NBEA: variants seen among roughly 807,000 people sequenced by gnomAD.
NBEA encodes lysosomal-trafficking regulator 2.
NBEA carries 44 observed loss-of-function variants against 343.4 expected under a neutral mutation model. The observed-to-expected ratio is 0.13, with a 90% CI of 0.10 to 0.16. The LOEUF is 0.16. NBEA is among the 10% of genes least tolerant of loss of function. NBEA has a pLI of 1.00. For synonymous variants in NBEA, 1,175 were observed against 1,238.7 expected (o/e 0.95, Z 1.08); for missense variants, 2,555 against 3,631.3 (o/e 0.70, Z 7.62).
At chr13:35,449,123 A>G (rs892574895) in intron 39 of NBEA, among the ~76,000 whole-genome samples, 2 of 152,222 alleles carry the variant, frequency 1.3e-5, no homozygotes, top group Non-Finnish European at 2.9e-5. Flanking sequence ...AAAACACAGA[A>G]CTGGTAATGA....
At chr13:35,501,562 G>A (rs2076889146) in intron 41 of NBEA, among the ~76,000 whole-genome samples, 1 of 152,146 alleles carries the variant, frequency 6.6e-6, no homozygotes, top group Admixed American at 6.6e-5. Context: ...CTGGTAAATA[G>A]TAATCAGGCT....
intron 38 of NBEA, among the ~76,000 whole-genome samples, chr13:35,365,903 T>TA (rs2041080364): frequency 6.6e-6 from 1 of 151,590 alleles, no homozygotes; most frequent in Non-Finnish European, 1.5e-5. Flanking sequence ...ATTGTATGCA[T>TA]TAGATTGTGG....
intron 38 of NBEA, among the ~76,000 whole-genome samples, chr13:35,403,234 T>C (rs2043080356): frequency 6.6e-6 from 1 of 151,964 alleles, no homozygotes; most frequent in Non-Finnish European, 1.5e-5. Flanking sequence ...TTCTTTGAAA[T>C]AGTTATTAAT....
At position 35,050,399 on chromosome 13, in the gene NBEA, G is replaced by A. The variant is rs2063022763; in HGVS notation, c.972+4G>A. 3 of 1,605,584 alleles carry A rather than the reference G, an allele frequency of 1.9e-6. No individual in the cohort carries two copies. In the East Asian group the frequency reaches 6.7e-5, roughly 36 times the overall value. ...ATATGATTTTCAACCACGCAAGGTA[G>A]GTAAAAGTAAATATTTTTATAACTC... On this transcript the variant is annotated splice_donor_region_variant and intron_variant, in intron 6 of 58. Coordinates refer to ENST00000379939, the MANE Select transcript of NBEA (RefSeq NM_001385012.1).
Position 35,671,402 on chromosome 13 carries a change from A to AC in NBEA, c.*411_*412insC, listed in dbSNP as rs1361669942. 115 of 157,170 alleles carry AC rather than the reference A, an allele frequency of 7.3e-4. No individual in the cohort carries two copies. The highest frequency in any genetic ancestry group is 2.5e-3 in the African/African-American group (106 of 41,690). The allele number at this position is 157,170 out of a possible 1,614,324, so 9.7% of individuals were successfully genotyped here. A position where few individuals can be genotyped will look rare whatever the true frequency, so the allele number is the denominator to read the frequency against. Reference sequence around the variant, plus strand: ...TTTTCAAGCTGAGAAAAAAAAAAAAAAACACGTTTGATACTTTGTACATCA... The same window carrying AC: ...TTTTCAAGCTGAGAAAAAAAAAAAAACAACACGTTTGATACTTTGTACATCA... On this transcript the variant is annotated 3_prime_UTR_variant, in exon 59 of 59. Coordinates refer to ENST00000379939, the MANE Select transcript of NBEA (RefSeq NM_001385012.1).
intron 45 of NBEA, among the ~76,000 whole-genome samples, chr13:35,581,905 G>GAAA (rs66496898): frequency 1.6e-5 from 2 of 121,378 alleles, no homozygotes; most frequent in African/African-American, 6.7e-5. Context: ...AAAAAGAAAA[G>GAAA]AAAAAAAAAG....
At chr13:35,360,675 C>CA (rs1398364899) in intron 38 of NBEA, among the ~76,000 whole-genome samples, 11 of 151,684 alleles carry the variant, frequency 7.3e-5, no homozygotes, top group Non-Finnish European at 4.4e-5. Flanking sequence ...TATAAAAAAA[C>CA]AAAAAATGAA....
At chr13:35,163,700 A>G (rs2069758968) in intron 23 of NBEA, among the ~76,000 whole-genome samples, 1 of 151,500 alleles carries the variant, frequency 6.6e-6, no homozygotes, top group Non-Finnish European at 1.5e-5. Flanking sequence ...TATGTTTTGT[A>G]TGAGAACACT....
chr13:35,405,485 G>A (rs538512022), intron 38 of NBEA, among the ~76,000 whole-genome samples: 17 of 152,246 alleles, frequency 1.1e-4, no homozygotes, highest in South Asian at 8.3e-4. Flanking sequence ...TTTTGTGAAT[G>A]AAAGAACTGA....
intron 10 of NBEA, among the ~76,000 whole-genome samples, chr13:35,088,011 T>C (rs1393222288): frequency 6.6e-6 from 1 of 151,896 alleles, no homozygotes; most frequent in African/African-American, 2.4e-5. Flanking sequence ...GAAGACTTTA[T>C]ATTTTCCAGG....
At chr13:35,015,150 A>AC (rs2061612212) in intron 1 of NBEA, among the ~76,000 whole-genome samples, 1 of 149,382 alleles carries the variant, frequency 6.7e-6, no homozygotes, top group South Asian at 2.1e-4. Flanking sequence ...CAAACAAAAA[A>AC]AAAAAACCAC....
intron 1 of NBEA, among the ~76,000 whole-genome samples, chr13:35,026,808 A>G (rs2062034411): frequency 6.6e-6 from 1 of 152,134 alleles, no homozygotes; most frequent in Non-Finnish European, 1.5e-5. Context: ...TATATCTGCT[A>G]CTTTGGTGGT....
chr13:35,139,161 A>ATTGACTCTCC lies in NBEA; in HGVS notation c.2337-3107_2337-3098dup, dbSNP rs1156598383. On this transcript the variant is annotated intron_variant, in intron 17 of 58. Coordinates refer to ENST00000379939, the MANE Select transcript of NBEA (RefSeq NM_001385012.1). ...CTGCAACCTCCGCCTCCCATGCTCA[A>ATTGACTCTCC]TTGACTCTCCCACCTCAGCCTCCCA... is the stretch of plus-strand genomic sequence containing the variant. Among the ~76,000 whole-genome samples the ATTGACTCTCC allele has an allele frequency of 6.0e-5, 9 of 149,150 alleles. No homozygotes were observed. In the East Asian group the frequency reaches 1.8e-3, roughly 30 times the overall value.
At chr13:34,986,475 T>G (rs938580656) in intron 1 of NBEA, among the ~76,000 whole-genome samples, 3 of 150,964 alleles carry the variant, frequency 2.0e-5, no homozygotes, top group Non-Finnish European at 3.0e-5. Flanking sequence ...AATTTTGGAA[T>G]AAGTGCGACG....
chr13:35,476,468 GGA>G (rs1384805805), intron 41 of NBEA: 1 of 797,304 alleles, frequency 1.3e-6, no homozygotes, highest in African/African-American at 1.7e-5. Flanking sequence ...AGAACCGCAT[GGA>G]GAGATCACCT....
chr13:35,484,797 G>A (rs2152969160), intron 41 of NBEA, among the ~76,000 whole-genome samples: 1 of 151,980 alleles, frequency 6.6e-6, no homozygotes, highest in East Asian at 1.9e-4. Flanking sequence ...ACAAAAATTA[G>A]TTTTATTTGT....
chr13:35,210,937 A>G (rs56157510), intron 32 of NBEA, 116 bp from the exon 33 acceptor site: 63,399 of 1,060,750 alleles, frequency 0.06, 2,135 homozygotes, highest in South Asian at 0.077. Flanking sequence ...TTAATTGTCA[A>G]ATTCGGTTTT....
chr13:35,338,900 A>G (rs1407982952), intron 36 of NBEA, among the ~76,000 whole-genome samples: 1 of 152,138 alleles, frequency 6.6e-6, no homozygotes, highest in Non-Finnish European at 1.5e-5. Context: ...AGAAAAACAC[A>G]TGATCACATC....
Position 35,645,946 on chromosome 13 carries a change from T to G in NBEA, c.7680+15T>G. 6.7e-7 allele frequency: 1 copy of G among 1,503,690 alleles called. No individual in the cohort carries two copies. Among genetic ancestry groups the G allele is most frequent in the Non-Finnish European group, 9.0e-7 (1 of 1,107,158 alleles). The allele number at this position is 1,503,690 out of a possible 1,614,324, so 93.1% of individuals were successfully genotyped here. ...ACTTTATTAAGGTATATGTTCTGTA[T>G]TTAGTGTGGAAAGTGTTCTTTGGTC... is the stretch of plus-strand genomic sequence containing the variant. On this transcript the variant is annotated intron_variant, in intron 50 of 58. Transcript: ENST00000379939.
Sources: gnomAD v4.1 joint callset for allele counts (sites outside exome capture counted in the v4.1 genomes callset) on GRCh38, gnomAD v4.1.1 for gene constraint, MANE v1.5 for transcripts, NCBI Gene and HGNC (gene_info 2026-07-23, HGNC 2026-07-21) for gene names.